Variants in GRIN2A observed in about 807,000 individuals in gnomAD.
The protein encoded by GRIN2A is glutamate ionotropic receptor NMDA type subunit 2A.
GRIN2A carries 22 observed loss-of-function variants against 113.4 expected under a neutral mutation model. The observed-to-expected ratio is 0.19, with a 90% CI of 0.14 to 0.28. The LOEUF is 0.28. GRIN2A is among the 10% of genes least tolerant of loss of function. The pLI is 1.00. For missense variants in GRIN2A, 1,502 were observed against 1,887.0 expected (o/e 0.80, Z 3.78); for synonymous variants, 827 against 738.4 (o/e 1.12, Z -1.94).
In GRIN2A at chr16:10,016,937, G is replaced by T. The variant is rs908008881; in HGVS notation, c.415-78386C>A. Among the ~76,000 whole-genome samples the T allele has an allele frequency of 2.0e-5, 3 of 152,298 alleles. No homozygotes were observed. In the South Asian group the frequency reaches 6.2e-4, roughly 32 times the overall value. The stretch of plus-strand genomic sequence containing the variant: ...TCTGCCAAATCTTCAAATATCATCA[G>T]TCACACTGGAAAATGGCCCCAGGCC... On this transcript the variant is annotated intron_variant, in intron 2 of 12. Transcript: ENST00000330684.
At chr16:9,840,308 A>T (rs1051389093) in intron 7 of GRIN2A, among the ~76,000 whole-genome samples, 10 of 151,910 alleles carry the variant, frequency 6.6e-5, no homozygotes, top group African/African-American at 2.2e-4. Flanking sequence ...AACCCCTTAT[A>T]ATAATAATAA....
intron 2 of GRIN2A, chr16:10,111,688 G>T (rs901838557): frequency 6.4e-7 from 1 of 1,569,610 alleles, no homozygotes; most frequent in African/African-American, 1.4e-5. Context: ...CCAGGCCAAC[G>T]AGGTGCATAA....
chr16:9,889,416 C>G (rs977522659), intron 4 of GRIN2A, among the ~76,000 whole-genome samples: 3 of 152,062 alleles, frequency 2.0e-5, no homozygotes, highest in African/African-American at 7.2e-5. Context: ...AAAGAACTAG[C>G]TTTTGGCTTT....
chr16:10,074,339 T>C (rs1340665121), intron 2 of GRIN2A, among the ~76,000 whole-genome samples: 1 of 152,238 alleles, frequency 6.6e-6, no homozygotes, highest in Non-Finnish European at 1.5e-5. Context: ...AAGCTACACA[T>C]AGAACTCCTA....
At chr16:10,160,261 C>T (rs2049783972) in intron 2 of GRIN2A, among the ~76,000 whole-genome samples, 1 of 152,146 alleles carries the variant, frequency 6.6e-6, no homozygotes, top group Admixed American at 6.5e-5. Flanking sequence ...GTTCTGAGTG[C>T]TGGAAGTATA....
rs2044765102 is a variant in GRIN2A, at chr16:9,938,329, C to T, written c.637G>A (p.Ala213Thr). 3 of 1,613,870 alleles carry T rather than the reference C, an allele frequency of 1.9e-6. No homozygotes were observed. Among genetic ancestry groups the T allele is most frequent in the South Asian group, 2.2e-5 (2 of 91,068 alleles). The change falls in exon 3 of 13, where the codon GCA becomes ACA. Residue 213 changes from alanine (A) to threonine (T), a missense_variant. Physicochemically the swap from Ala to Thr is moderately conservative, Grantham distance 58 (BLOSUM62 0). Coordinates refer to ENST00000330684, the MANE Select transcript of GRIN2A (RefSeq NM_001134407.3). ...VITLDTSFED[A>T]KTQVQLKKIH... Reference sequence around the variant, plus strand: ...TTCTTCAGCTGGACTTGTGTCTTTGCATCCTCAAAGGAAGTGTCCAGTGTG... The same window carrying T: ...TTCTTCAGCTGGACTTGTGTCTTTGTATCCTCAAAGGAAGTGTCCAGTGTG...
intron 2 of GRIN2A, among the ~76,000 whole-genome samples, chr16:10,000,631 C>A (rs2046304049): frequency 8.1e-6 from 1 of 123,412 alleles, no homozygotes; most frequent in Admixed American, 8.8e-5. Context: ...GTACCTTGGC[C>A]TACCGGATCT....
chr16:10,094,256 T>G (rs573192614), intron 2 of GRIN2A, among the ~76,000 whole-genome samples: 31 of 152,136 alleles, frequency 2.0e-4, no homozygotes, highest in Non-Finnish European at 4.4e-4. Flanking sequence ...GGCTGTAATT[T>G]TTAAAAAGTG....
rs545760882 is a variant in GRIN2A, at chr16:10,134,449, G to C, written c.414+45549C>G. Among the ~76,000 whole-genome samples, 4 of 150,312 alleles carry C rather than the reference G, an allele frequency of 2.7e-5. No individual in the cohort carries two copies. In the South Asian group the frequency reaches 8.7e-4, roughly 33 times the overall value. ...CAATGAGAACACTTGGACAGAAGGC[G>C]GGGAATATCACACACCGGGGCCTGT... On this transcript the variant is annotated intron_variant, in intron 2 of 12. Transcript: ENST00000330684.
chr16:10,030,896 G>A (rs1380707838), intron 2 of GRIN2A, among the ~76,000 whole-genome samples: 1 of 152,186 alleles, frequency 6.6e-6, no homozygotes. Context: ...GCAATAAATA[G>A]ATGTATTATT....
intron 10 of GRIN2A, among the ~76,000 whole-genome samples, chr16:9,814,742 G>T (rs754392337): frequency 6.6e-5 from 10 of 152,088 alleles, no homozygotes; most frequent in Non-Finnish European, 1.2e-4. Flanking sequence ...CTTCTTGGCC[G>T]GGTGCGGTGG....
rs1021170469 is a variant in GRIN2A at position 9,756,202 on chromosome 16, T to G, written c.*6947A>C. On this transcript the variant is annotated 3_prime_UTR_variant, in exon 13 of 13. Transcript: ENST00000330684. ...ATGTTTAATGGAATTAGCCCTGATGTTGACTGATAAAAAGATGAGACATTA... is the reference window on the plus strand; with the variant it reads ...ATGTTTAATGGAATTAGCCCTGATGGTGACTGATAAAAAGATGAGACATTA... 1 of 227,544 alleles carries G rather than the reference T, an allele frequency of 4.4e-6. No homozygotes were observed. The highest frequency in any genetic ancestry group is 5.7e-5 in the Admixed American group (1 of 17,580). The allele number at this position is 227,544 out of a possible 1,614,324, so 14.1% of individuals were successfully genotyped here.
At chr16:10,119,989 G>C (rs964914574) in intron 2 of GRIN2A, among the ~76,000 whole-genome samples, 3 of 152,164 alleles carry the variant, frequency 2.0e-5, no homozygotes, top group Non-Finnish European at 4.4e-5. Flanking sequence ...ACCATTGATG[G>C]GCGTTTAGGT....
intron 2 of GRIN2A, among the ~76,000 whole-genome samples, chr16:10,085,367 A>T (rs1268039029): frequency 6.6e-6 from 1 of 152,232 alleles, no homozygotes; most frequent in Non-Finnish European, 1.5e-5. Flanking sequence ...TCACAAAAGA[A>T]GGGCACGCAA....
At chr16:9,891,163 G>A in intron 3 of GRIN2A, 63 bp from the exon 4 acceptor site, 22 of 909,530 alleles carry the variant, frequency 2.4e-5, no homozygotes, top group Non-Finnish European at 4.1e-5. Flanking sequence ...GAACAAATAA[G>A]TGGATGCCAC....
chr16:9,963,089 G>C (rs550190365), intron 2 of GRIN2A, among the ~76,000 whole-genome samples: 1 of 139,824 alleles, frequency 7.2e-6, no homozygotes, highest in African/African-American at 2.6e-5. Flanking sequence ...CACGGACACA[G>C]GAAAGGGAAC....
chr16:9,781,489 T>C (rs1901932846), intron 11 of GRIN2A, among the ~76,000 whole-genome samples: 1 of 152,106 alleles, frequency 6.6e-6, no homozygotes, highest in African/African-American at 2.4e-5. Flanking sequence ...GCTTCCAAAG[T>C]AGCTAGGACC....
chr16:9,982,344 G>C (rs1390349602), intron 2 of GRIN2A, among the ~76,000 whole-genome samples: 6 of 152,158 alleles, frequency 3.9e-5, no homozygotes, highest in African/African-American at 1.4e-4. Context: ...GTTGTCTTTT[G>C]TAACATTAGC....
chr16:10,120,873 C>T (rs1023870565), intron 2 of GRIN2A, among the ~76,000 whole-genome samples: 2 of 152,056 alleles, frequency 1.3e-5, no homozygotes, highest in African/African-American at 2.4e-5. Context: ...CCACTCCCCT[C>T]CAGTCATCCC....
Sources: allele counts gnomAD v4.1 joint callset (sites outside exome capture counted in the v4.1 genomes callset), GRCh38; gene constraint gnomAD v4.1.1; transcripts MANE v1.5; gene names NCBI Gene and HGNC (gene_info 2026-07-23, HGNC 2026-07-21).